The following ARHGAP6 variants were observed in gnomAD, a reference collection of about 807,000 sequenced individuals.
The protein encoded by ARHGAP6 is rho GTPase-activating protein 6.
In ARHGAP6, 16 loss-of-function variants were observed where a neutral mutation model predicts 55.7. The ratio of observed to expected loss-of-function variants is 0.29; its 90% CI spans 0.19 to 0.44. The LOEUF (loss-of-function observed/expected upper bound fraction) is 0.44. Ranked by LOEUF, ARHGAP6 falls within the 20% of genes least tolerant of loss-of-function variation. The pLI, the probability that ARHGAP6 is intolerant of heterozygous loss-of-function variation, is 1.00. For synonymous variants in ARHGAP6, 382 were observed against 360.9 expected, an observed-to-expected ratio of 1.06 and a Z score of -0.66; for missense variants, 698 against 808.9, an observed-to-expected ratio of 0.86 and a Z score of 1.66.
chrX:11,455,628 A>G (rs1214115554), intron 1 of ARHGAP6, among the ~76,000 whole-genome samples: 1 of 112,467 alleles, frequency 8.9e-6, no homozygotes, highest in African/African-American at 3.2e-5. Context: ...TGATGTTCAC[A>G]TGGTAAGTGA....
At chrX:11,184,898 C>T (rs1356653447) in intron 5 of ARHGAP6, among the ~76,000 whole-genome samples, 1 of 111,956 alleles carries the variant, frequency 8.9e-6, no homozygotes, top group Non-Finnish European at 1.9e-5. Context: ...AGTGTACATA[C>T]ACCACCCTAG....
intron 1 of ARHGAP6, among the ~76,000 whole-genome samples, chrX:11,507,721 C>T (rs1310303400): frequency 4.5e-5 from 5 of 111,502 alleles, no homozygotes; most frequent in African/African-American, 1.6e-4. Context: ...CCCAGGCAGA[C>T]ATGTGTATTT....
chrX:11,501,856 G>A (rs1484454434), intron 1 of ARHGAP6, among the ~76,000 whole-genome samples: 1 of 111,632 alleles, frequency 9.0e-6, no homozygotes, highest in East Asian at 2.8e-4. Context: ...GCAGGAAGAG[G>A]AGGGTTGGGT....
intron 9 of ARHGAP6, among the ~76,000 whole-genome samples, chrX:11,168,866 AT>A (rs1275829043): frequency 8.9e-6 from 1 of 112,450 alleles, no homozygotes; most frequent in East Asian, 2.8e-4. Flanking sequence ...AATCAAAAAA[AT>A]ATTTATTGAG....
chrX:11,168,957 A>G (rs1178403799), intron 9 of ARHGAP6, among the ~76,000 whole-genome samples: 1 of 112,109 alleles, frequency 8.9e-6, no homozygotes, highest in Non-Finnish European at 1.9e-5. Flanking sequence ...CTTGTTTTAA[A>G]TGCATTTATA....
chrX:11,556,565 C>T (rs1490418625), intron 1 of ARHGAP6, among the ~76,000 whole-genome samples: 9 of 112,228 alleles, frequency 8.0e-5, no homozygotes, highest in Non-Finnish European at 1.7e-4. Flanking sequence ...CAGTCAAAAC[C>T]AGACTTACAG....
At chrX:11,603,249 C>T (rs762929486) in intron 1 of ARHGAP6, among the ~76,000 whole-genome samples, 1 of 111,999 alleles carries the variant, frequency 8.9e-6, no homozygotes, top group Admixed American at 9.5e-5. Flanking sequence ...ACTTAATCCA[C>T]TGAGAGTATA....
Position 11,197,007 on chromosome X carries a change from T to A in ARHGAP6, c.749-11A>T. 1.1e-6 allele frequency: 1 copy of A among 874,185 alleles called. No individual in the cohort carries two copies. Among genetic ancestry groups the A allele is most frequent in the Non-Finnish European group, 1.7e-6 (1 of 593,272 alleles). The allele number at this position is 874,185 out of a possible 1,213,427, so 72.0% of individuals were successfully genotyped here. The stretch of plus-strand genomic sequence containing the variant: ...TTCTCTTTTGTCCATCTGTAAATAT[T>A]AAAAGGAGAAGTTATAAAGATAAAC... On this transcript the variant is annotated splice_polypyrimidine_tract_variant and intron_variant, in intron 2 of 12. Transcript: ENST00000337414.
chrX:11,344,442 G>T (rs1348009253), intron 1 of ARHGAP6, among the ~76,000 whole-genome samples: 1 of 109,926 alleles, frequency 9.1e-6, no homozygotes, highest in African/African-American at 3.3e-5. Flanking sequence ...GGAGGCCGAG[G>T]TGGGTAGATC....
chrX:11,513,448 T>G (rs73486540), intron 1 of ARHGAP6, among the ~76,000 whole-genome samples: 10,718 of 111,759 alleles, frequency 0.096, 602 homozygotes, highest in African/African-American at 0.2. Context: ...TATAGTTAGT[T>G]GGAAGGCGTA....
intron 2 of ARHGAP6, chrX:11,223,153 T>C (rs2046995751): frequency 1.1e-5 from 2 of 174,135 alleles, no homozygotes; most frequent in East Asian, 2.4e-4. Context: ...ATTTACTGTC[T>C]AGCTGACATT....
chrX:11,147,782 C>T (rs779113273), intron 10 of ARHGAP6, among the ~76,000 whole-genome samples: 1 of 111,924 alleles, frequency 8.9e-6, no homozygotes, highest in Non-Finnish European at 1.9e-5. Flanking sequence ...TGAATAAATC[C>T]GGGTGTAGTG....
intron 1 of ARHGAP6, among the ~76,000 whole-genome samples, chrX:11,626,110 A>C (rs2052295836): frequency 8.9e-6 from 1 of 112,239 alleles, no homozygotes; most frequent in African/African-American, 3.2e-5. Flanking sequence ...CAGATATGCC[A>C]AAATAAAATA....
At chrX:11,270,703 G>A (rs902278405) in intron 1 of ARHGAP6, among the ~76,000 whole-genome samples, 16 of 111,704 alleles carry the variant, frequency 1.4e-4, no homozygotes, top group African/African-American at 4.5e-4. Flanking sequence ...AATGTAACCG[G>A]TAAACGGAGG....
At chrX:11,276,616 C>A (rs777249576) in intron 1 of ARHGAP6, among the ~76,000 whole-genome samples, 10 of 111,458 alleles carry the variant, frequency 9.0e-5, no homozygotes, top group African/African-American at 3.3e-4. Flanking sequence ...AGTATGACAC[C>A]AAATGCAGGT....
intron 1 of ARHGAP6, among the ~76,000 whole-genome samples, chrX:11,263,769 T>C (rs1340974578): frequency 9.0e-6 from 1 of 111,179 alleles, no homozygotes; most frequent in Non-Finnish European, 1.9e-5. Flanking sequence ...TGAGTTTGAG[T>C]CCCAGTTTTG....
chrX:11,269,097 C>T (rs1335328995), intron 1 of ARHGAP6, among the ~76,000 whole-genome samples: 1 of 111,731 alleles, frequency 9.0e-6, no homozygotes, highest in Non-Finnish European at 1.9e-5. Flanking sequence ...GCCAATCTAA[C>T]AGTATGAATG....
At chrX:11,177,098 C>A (rs2046236764) in intron 8 of ARHGAP6, among the ~76,000 whole-genome samples, 1 of 111,484 alleles carries the variant, frequency 9.0e-6, no homozygotes, top group Non-Finnish European at 1.9e-5. Flanking sequence ...TGCCTCTGGC[C>A]CCTTCTTATT....
intron 1 of ARHGAP6, among the ~76,000 whole-genome samples, chrX:11,481,586 G>A (rs765920969): frequency 1.8e-5 from 2 of 112,647 alleles, no homozygotes; most frequent in African/African-American, 6.4e-5. Context: ...CTTAGAGAAA[G>A]AATGTGTGCC....
Sources: gnomAD v4.1 joint callset for allele counts (sites outside exome capture counted in the v4.1 genomes callset) on GRCh38, gnomAD v4.1.1 for gene constraint, MANE v1.5 for transcripts, NCBI Gene and HGNC (gene_info 2026-07-23, HGNC 2026-07-21) for gene names.